Variants in ALK observed in about 807,000 individuals in gnomAD.
The protein encoded by ALK is ALK tyrosine kinase receptor.
In ALK, 74 loss-of-function variants were observed where a neutral mutation model predicts 163.1. The ratio of observed to expected loss-of-function variants is 0.45; its 90% CI spans 0.38 to 0.55. The LOEUF (loss-of-function observed/expected upper bound fraction) is 0.55, where lower values mean the gene tolerates loss of function less well. Among genes scored for constraint, ALK ranks in the 20% least tolerant of loss-of-function variants. The probability of loss-of-function intolerance (pLI) is 0.00; values close to 1 mark genes in which losing one functional copy is unlikely to be tolerated. For synonymous variants in ALK, 960 were observed against 843.2 expected (o/e 1.14, Z -2.40); for missense variants, 2,063 against 2,105.3 (o/e 0.98, Z 0.39).
chr2:29,613,573 T>C (rs1675756136), intron 3 of ALK, among the ~76,000 whole-genome samples: 1 of 152,208 alleles, frequency 6.6e-6, no homozygotes, highest in South Asian at 2.1e-4. Context: ...ATGCAGTCTT[T>C]AGCCAGGGCG....
In ALK at chr2:29,232,254, C is replaced by G. The variant is rs761466413; in HGVS notation, c.2632+50G>C. ...GGCATGCGATGGCATCGGGGCCCAGCTGAAGGCCTGGGAGAGGTTCTGGGA... is the reference window on the plus strand; with the variant it reads ...GGCATGCGATGGCATCGGGGCCCAGGTGAAGGCCTGGGAGAGGTTCTGGGA... On this transcript the variant is annotated intron_variant, in intron 15 of 28. Transcript: ENST00000389048. 6.8e-6 allele frequency: 11 copies of G among 1,612,400 alleles called. 1 individual carries two copies. The South Asian group carries it at 1.2e-4, about 18-fold the overall frequency.
chr2:29,552,527 TA>T (rs917771733), intron 3 of ALK, among the ~76,000 whole-genome samples: 7 of 152,158 alleles, frequency 4.6e-5, no homozygotes, highest in Non-Finnish European at 8.8e-5. Flanking sequence ...TGTATTACTT[TA>T]AAAAAATAAT....
At chr2:29,650,254 C>A (rs6708231) in intron 3 of ALK, among the ~76,000 whole-genome samples, 94,038 of 152,076 alleles carry the variant, frequency 0.62, 30,038 homozygotes, top group East Asian at 0.73. Context: ...CTGTATTGGT[C>A]TTTCCAGTGA....
At chr2:29,209,032 G>A (rs913446474) in intron 25 of ALK, among the ~76,000 whole-genome samples, 3 of 152,198 alleles carry the variant, frequency 2.0e-5, no homozygotes, top group Non-Finnish European at 2.9e-5. Flanking sequence ...GGTGGCTAAA[G>A]CTGAGCAATG....
At chr2:29,570,879 C>T (rs1440028018) in intron 3 of ALK, among the ~76,000 whole-genome samples, 1 of 152,168 alleles carries the variant, frequency 6.6e-6, no homozygotes, top group East Asian at 1.9e-4. Context: ...ACACTGTTCT[C>T]TCAGCAGCCT....
At chr2:29,256,596 A>C (rs1664954107) in intron 11 of ALK, among the ~76,000 whole-genome samples, 1 of 151,814 alleles carries the variant, frequency 6.6e-6, no homozygotes, top group East Asian at 1.9e-4. Context: ...ATCTCTAGGG[A>C]ACACTTTTGA....
At chr2:29,824,679 T>A (rs1046842139) in intron 1 of ALK, among the ~76,000 whole-genome samples, 1 of 152,222 alleles carries the variant, frequency 6.6e-6, no homozygotes, top group Non-Finnish European at 1.5e-5. Flanking sequence ...CCATTTGGAA[T>A]GGTTGTATTT....
intron 1 of ALK, among the ~76,000 whole-genome samples, chr2:29,905,798 G>C (rs1667530377): frequency 6.6e-6 from 1 of 151,998 alleles, no homozygotes; most frequent in African/African-American, 2.4e-5. Flanking sequence ...GGAAAGGCAG[G>C]ATGCGAGGAA....
chr2:29,434,676 A>G (rs1004325823), intron 4 of ALK, among the ~76,000 whole-genome samples: 20 of 152,198 alleles, frequency 1.3e-4, no homozygotes, highest in Non-Finnish European at 2.8e-4. Flanking sequence ...TAAAATTCAT[A>G]AGATAAGTTT....
At chr2:29,598,874 G>A (rs1295505875) in intron 3 of ALK, among the ~76,000 whole-genome samples, 1 of 151,942 alleles carries the variant, frequency 6.6e-6, no homozygotes, top group African/African-American at 2.4e-5. Flanking sequence ...CATATAATTT[G>A]TATTACAAAA....
At chr2:29,541,109 A>G (rs1673400935) in intron 3 of ALK, among the ~76,000 whole-genome samples, 1 of 152,118 alleles carries the variant, frequency 6.6e-6, no homozygotes. Context: ...CTGCAATGCC[A>G]CCTCCTGGAA....
intron 4 of ALK, among the ~76,000 whole-genome samples, chr2:29,428,431 C>A (rs757960447): frequency 5.9e-5 from 9 of 151,664 alleles, no homozygotes; most frequent in Non-Finnish European, 1.0e-4. Flanking sequence ...GAAGAGGGGA[C>A]ATTACTATCA....
At chr2:29,620,072 A>G (rs1675985900) in intron 3 of ALK, among the ~76,000 whole-genome samples, 1 of 152,224 alleles carries the variant, frequency 6.6e-6, no homozygotes, top group Non-Finnish European at 1.5e-5. Flanking sequence ...GTAATGCCTC[A>G]ATCTCTTAAT....
At chr2:29,530,422 A>G (rs985575899) in intron 4 of ALK, among the ~76,000 whole-genome samples, 1 of 151,026 alleles carries the variant, frequency 6.6e-6, no homozygotes, top group Non-Finnish European at 1.5e-5. Flanking sequence ...CTCCAACTCC[A>G]CCTCTCCCAG....
intron 2 of ALK, among the ~76,000 whole-genome samples, chr2:29,710,259 C>G (rs1241245799): frequency 6.6e-6 from 1 of 152,196 alleles, no homozygotes; most frequent in Non-Finnish European, 1.5e-5. Flanking sequence ...CCATGTGGAA[C>G]TGTGAGTCAA....
At chr2:29,400,097 C>T (rs549583324) in intron 4 of ALK, among the ~76,000 whole-genome samples, 18 of 152,182 alleles carry the variant, frequency 1.2e-4, no homozygotes, top group African/African-American at 4.3e-4. Context: ...GGGGCTGGAG[C>T]CCCATGTTGA....
intron 3 of ALK, among the ~76,000 whole-genome samples, chr2:29,660,734 G>A (rs1447404728): frequency 6.6e-6 from 1 of 151,914 alleles, no homozygotes; most frequent in Non-Finnish European, 1.5e-5. Context: ...ACAGGCAGGG[G>A]GCCATGGAAA....
intron 4 of ALK, among the ~76,000 whole-genome samples, chr2:29,441,221 A>G (rs1670534510): frequency 6.6e-6 from 1 of 152,260 alleles, no homozygotes; most frequent in Admixed American, 6.5e-5. Flanking sequence ...TGTGAAGAGC[A>G]TAGAGCAGGG....
At position 29,531,802 on chromosome 2, in the gene ALK, C is replaced by T. The variant is rs1573434661; in HGVS notation, c.1154+113G>A. The T allele has an allele frequency of 8.8e-6, 10 of 1,130,514 alleles. No individual in the cohort carries two copies. The East Asian group carries it at 9.6e-5, about 11-fold the overall frequency. 70.0% of individuals were successfully genotyped at this position (1,130,514 alleles called of 1,614,324 possible). The stretch of plus-strand genomic sequence containing the variant: ...TAGTAATTGCTCAACCTGGACCTAC[C>T]GATTAAAGGACAATCATGAGTTTGT... On this transcript the variant is annotated intron_variant, in intron 4 of 28. Transcript: ENST00000389048.
Sources: gnomAD v4.1 joint callset for allele counts (sites outside exome capture counted in the v4.1 genomes callset) on GRCh38, gnomAD v4.1.1 for gene constraint, MANE v1.5 for transcripts, NCBI Gene and HGNC (gene_info 2026-07-23, HGNC 2026-07-21) for gene names.